Variants in KIF6 observed in about 807,000 individuals in gnomAD.
The protein encoded by KIF6 is kinesin-like protein KIF6.
Under a neutral mutation model 112.7 loss-of-function variants are expected in KIF6, and 106 were observed. The observed-to-expected ratio is 0.94, with a 90% CI of 0.80 to 1.11. The LOEUF (loss-of-function observed/expected upper bound fraction) is 1.11. Ranked by LOEUF, KIF6 falls within the 50% of genes least tolerant of loss-of-function variation. KIF6 has a pLI of 0.00. For missense variants in KIF6, 929 were observed against 964.0 expected (o/e 0.96, Z 0.48); for synonymous variants, 339 against 339.9 (o/e 1.00, Z 0.03).
At chr6:39,440,805 G>T (rs569905059) in intron 13 of KIF6, among the ~76,000 whole-genome samples, 1 of 152,302 alleles carries the variant, frequency 6.6e-6, no homozygotes, top group Non-Finnish European at 1.5e-5. Context: ...TCAGGGGGAA[G>T]GTCAGTGAGC....
intron 15 of KIF6, among the ~76,000 whole-genome samples, chr6:39,395,683 C>T (rs952276732): frequency 1.3e-5 from 2 of 152,150 alleles, no homozygotes; most frequent in South Asian, 4.1e-4. Flanking sequence ...GCCCAGGGTA[C>T]ACTCTTAGGA....
intron 3 of KIF6, among the ~76,000 whole-genome samples, chr6:39,698,669 T>A (rs1788692851): frequency 6.6e-6 from 1 of 152,168 alleles, no homozygotes; most frequent in African/African-American, 2.4e-5. Flanking sequence ...CAAAATAGGG[T>A]TTCCTAAGAA....
At chr6:39,528,989 T>C (rs1013596052) in intron 13 of KIF6, among the ~76,000 whole-genome samples, 1 of 152,166 alleles carries the variant, frequency 6.6e-6, no homozygotes, top group African/African-American at 2.4e-5. Context: ...TGGAACAGAA[T>C]AGAGAGCTCA....
At chr6:39,708,024 C>G (rs6939125) in intron 3 of KIF6, among the ~76,000 whole-genome samples, 12,156 of 152,196 alleles carry the variant, frequency 0.08, 517 homozygotes, top group Middle Eastern at 0.11. Flanking sequence ...CTTTTGTGAG[C>G]CTTTTTCTCC....
At chr6:39,544,842 T>G (rs2150569747) in intron 11 of KIF6, 149 bp from the exon 12 acceptor site, 1 of 447,970 alleles carries the variant, frequency 2.2e-6, no homozygotes, top group Middle Eastern at 5.8e-4. Flanking sequence ...TGCAGTTGCT[T>G]TTTTGGCTTG....
chr6:39,586,274 T>C lies in KIF6; in HGVS notation c.977A>G (p.Lys326Arg), dbSNP rs1781627851. The C allele has an allele frequency of 1.2e-6, 2 of 1,614,056 alleles. No individual in the cohort carries two copies. Residue 326 changes from lysine to arginine, a missense_variant, in exon 8 of 23, where the codon AAA (lysine) becomes AGA (arginine). Lys to Arg is a conservative substitution (Grantham distance 26). Coordinates refer to ENST00000287152, the MANE Select transcript of KIF6 (RefSeq NM_145027.6). ...GAGCCCACATACATCAAGATTCCTT[T>C]TCTCCAAGGAGAGTGTTGCAATCAT... ...TTMIATLSLE[K>R]RNLDESISTC...
intron 3 of KIF6, among the ~76,000 whole-genome samples, chr6:39,660,424 G>A (rs1786069130): frequency 1.3e-5 from 2 of 152,176 alleles, no homozygotes; most frequent in Non-Finnish European, 2.9e-5. Context: ...AGCATAGTGG[G>A]TGAGTAACTA....
At chr6:39,648,343 A>C (rs1008813317) in intron 3 of KIF6, among the ~76,000 whole-genome samples, 1 of 152,172 alleles carries the variant, frequency 6.6e-6, no homozygotes, top group East Asian at 1.9e-4. Flanking sequence ...TGTCCAGCCA[A>C]GGGCCTTGAT....
intron 13 of KIF6, among the ~76,000 whole-genome samples, chr6:39,485,615 C>T (rs1045117205): frequency 6.6e-6 from 1 of 152,130 alleles, no homozygotes; most frequent in Admixed American, 6.6e-5. Context: ...TTCCATTCTT[C>T]TGCCTTTCCC....
At chr6:39,523,348 A>G (rs917259845) in intron 13 of KIF6, among the ~76,000 whole-genome samples, 12 of 152,032 alleles carry the variant, frequency 7.9e-5, no homozygotes, top group African/African-American at 2.9e-4. Context: ...CTCTTTCTAT[A>G]ACAGAAATAT....
At chr6:39,547,343 G>T (rs1203111189) in intron 10 of KIF6, among the ~76,000 whole-genome samples, 1 of 152,170 alleles carries the variant, frequency 6.6e-6, no homozygotes, top group East Asian at 1.9e-4. Flanking sequence ...TAGGTGAAGA[G>T]ATACTTATTT....
chr6:39,352,759 A>T (rs998580004), intron 19 of KIF6, among the ~76,000 whole-genome samples: 1 of 152,060 alleles, frequency 6.6e-6, no homozygotes, highest in African/African-American at 2.4e-5. Context: ...GCATGCCAAT[A>T]TCCTTGGCAA....
chr6:39,375,291 GTGT>G (rs1372134966), intron 16 of KIF6, among the ~76,000 whole-genome samples: 88 of 152,298 alleles, frequency 5.8e-4, no homozygotes, highest in African/African-American at 2.1e-3. Flanking sequence ...TTGCACAGCA[GTGT>G]GAACACAAGG....
chr6:39,584,813 G>C, intron 9 of KIF6, 85 bp downstream of exon 9: 1 of 802,634 alleles, frequency 1.2e-6, no homozygotes, highest in Non-Finnish European at 2.1e-6. Flanking sequence ...AACATTCCCA[G>C]TACAGAGCAA....
chr6:39,586,246 G>A lies in KIF6; in HGVS notation c.990+15C>T, dbSNP rs781474004. 27 of 1,613,760 alleles carry A rather than the reference G, an allele frequency of 1.7e-5. No homozygotes were observed. Among genetic ancestry groups the A allele is most frequent in the Non-Finnish European group, 2.2e-5 (26 of 1,179,852 alleles). On this transcript the variant is annotated intron_variant, in intron 8 of 22. Transcript: ENST00000287152. ...AAACCTAGATTAAGATCTCCAGAAA[G>A]AAGAGCCCACATACATCAAGATTCC...
intron 3 of KIF6, among the ~76,000 whole-genome samples, chr6:39,647,690 A>G (rs1362316641): frequency 6.6e-6 from 1 of 151,732 alleles, no homozygotes; most frequent in African/African-American, 2.4e-5. Context: ...ACCTAGGTCA[A>G]ACAGTGAAGG....
intron 6 of KIF6, among the ~76,000 whole-genome samples, chr6:39,605,278 T>C (rs1022995940): frequency 2.6e-5 from 4 of 152,128 alleles, no homozygotes; most frequent in South Asian, 2.1e-4. Flanking sequence ...GTCTACTCTG[T>C]CCATTTTTCA....
intron 13 of KIF6, among the ~76,000 whole-genome samples, chr6:39,453,558 G>A (rs983646851): frequency 2.0e-5 from 3 of 151,706 alleles, no homozygotes; most frequent in Non-Finnish European, 4.4e-5. Context: ...ATCACTTCTC[G>A]TCCTTCATAA....
intron 15 of KIF6, among the ~76,000 whole-genome samples, chr6:39,418,383 T>C (rs73732106): frequency 0.023 from 3,456 of 152,292 alleles, 128 homozygotes; most frequent in African/African-American, 0.079. Context: ...ACCAATTATA[T>C]TGAAATAGTT....
Sources: allele counts gnomAD v4.1 joint callset (sites outside exome capture counted in the v4.1 genomes callset), GRCh38; gene constraint gnomAD v4.1.1; transcripts MANE v1.5; gene names NCBI Gene and HGNC (gene_info 2026-07-23, HGNC 2026-07-21).